The following WBP2 variants were observed in gnomAD, a reference collection of about 807,000 sequenced individuals.
WBP2 encodes WW domain-binding protein 2.
In WBP2, 23 loss-of-function variants were observed where a neutral mutation model predicts 33.0. That is an observed-to-expected ratio of 0.70 (90% CI 0.50 to 0.99). The LOEUF (loss-of-function observed/expected upper bound fraction) is 0.99. Among genes scored for constraint, WBP2 ranks in the 50% least tolerant of loss-of-function variants. The pLI, the probability that WBP2 is intolerant of heterozygous loss-of-function variation, is 0.00. For synonymous variants in WBP2, 153 were observed against 133.5 expected, an observed-to-expected ratio of 1.15 and a Z score of -1.01; for missense variants, 353 against 358.0, an observed-to-expected ratio of 0.99 and a Z score of 0.11.
At chr17:75,848,781 C>T (rs1055047334) in intron 3 of WBP2, 119 bp from the exon 4 acceptor site, 1 of 873,042 alleles carries the variant, frequency 1.1e-6, no homozygotes, top group African/African-American at 1.7e-5. Context: ...GGGGCTGGGC[C>T]TGCACTGTGA....
rs2064993396 is a variant in WBP2, at chr17:75,846,621, A to G, written c.*113T>C. The G allele has an allele frequency of 3.9e-6, 5 of 1,275,934 alleles. No individual in the cohort carries two copies. The highest frequency in any genetic ancestry group is 5.5e-6 in the Non-Finnish European group (5 of 901,032). The allele number at this position is 1,275,934 out of a possible 1,614,324, so 79.0% of individuals were successfully genotyped here. ...TGCTAGTTCCTGGTAATTGTTTATG[A>G]TCAGACCTGGAGGGAGAACAAGGCG... On this transcript the variant is annotated 3_prime_UTR_variant, in exon 8 of 8. Coordinates refer to ENST00000254806, the MANE Select transcript of WBP2 (RefSeq NM_012478.4). The surrounding 1 kb of genome is among the most constrained non-coding windows in gnomAD (Gnocchi z 4.8).
chr17:75,848,210 T>C, intron 4 of WBP2: 1 of 587,946 alleles, frequency 1.7e-6, no homozygotes, highest in Non-Finnish European at 3.0e-6. Flanking sequence ...GGGGTAGGAG[T>C]GAGCTGGCGG....
chr17:75,855,305 C>A lies in WBP2; in HGVS notation c.-8G>T, dbSNP rs887829011. 6.2e-7 allele frequency: 1 copy of A among 1,612,136 alleles called. No individual in the cohort carries two copies. Among genetic ancestry groups the A allele is most frequent in the Non-Finnish European group, 8.5e-7 (1 of 1,179,962 alleles). ...ATTCTTGTTGAGCGCCATAGTCTCT[C>A]CAACAGGGGTCCCGAGACTCAAAAC... On this transcript the variant is annotated 5_prime_UTR_variant, in exon 1 of 8. Transcript: ENST00000254806.
chr17:75,851,771 C>A, intron 1 of WBP2, 95 bp from the exon 2 acceptor site: 1 of 888,368 alleles, frequency 1.1e-6, no homozygotes, highest in Admixed American at 1.8e-5. Flanking sequence ...CTGCCCGGCA[C>A]GTCAGCTCTC....
At position 75,849,680 on chromosome 17, in the gene WBP2, G is replaced by C; in HGVS notation, c.228C>G (p.Leu76=). 1 of 1,614,208 alleles carries C rather than the reference G, an allele frequency of 6.2e-7. No homozygotes were observed. The highest frequency in any genetic ancestry group is 8.5e-7 in the Non-Finnish European group (1 of 1,180,030). The change falls in exon 3 of 8, where the codon CTC becomes CTG. Residue 76 remains leucine, a synonymous_variant. Transcript: ENST00000254806. ...AMQSFMMPFY[L]MKDCEIKQPV... ...GCTGCTTGATCTCACAGTCTTTCAT[G>C]AGATAAAATGGCATCATGAAGGACT... is the stretch of plus-strand genomic sequence containing the variant.
At chr17:75,848,472 T>C in intron 4 of WBP2, 98 bp downstream of exon 4, 4 of 1,171,042 alleles carry the variant, frequency 3.4e-6, no homozygotes, top group South Asian at 2.6e-5. Context: ...ACTTACCTCT[T>C]GAGTTCTTGA....
upstream of WBP2, chr17:75,855,593 A>T: frequency 2.3e-6 from 1 of 434,412 alleles, no homozygotes; most frequent in Non-Finnish European, 4.3e-6. Flanking sequence ...CCTGGATCAT[A>T]GGCCTGAATT....
rs940211614 is a variant in WBP2 at position 75,846,472 on chromosome 17, C to T, written c.*262G>A. ...GAGAGTGAAACAGGAACAGGGGATG[C>T]TCCGTGCTCCCAGAAGAGCCCCAGA... On this transcript the variant is annotated 3_prime_UTR_variant, in exon 8 of 8. Transcript: ENST00000254806. This position sits in a 1 kb window ranked among gnomAD's most constrained non-coding sequence, Gnocchi z 4.8. 1.8e-6 allele frequency: 1 copy of T among 542,214 alleles called. No homozygotes were observed. The highest frequency in any genetic ancestry group is 3.3e-6 in the Non-Finnish European group (1 of 304,240). The allele number at this position is 542,214 out of a possible 1,614,324, so 33.6% of individuals were successfully genotyped here.
intron 1 of WBP2, chr17:75,851,889 G>A: frequency 2.7e-6 from 1 of 364,740 alleles, no homozygotes; most frequent in Non-Finnish European, 5.4e-6. Context: ...ATGACCCCTG[G>A]TCAGGAGTTT....
chr17:75,846,202 G>C lies in WBP2; in HGVS notation c.*532C>G, dbSNP rs528896853. 3 of 160,868 alleles carry C rather than the reference G, an allele frequency of 1.9e-5. No homozygotes were observed. In the South Asian group the frequency reaches 4.3e-4, roughly 23 times the overall value. The allele number at this position is 160,868 out of a possible 1,614,324, so 10.0% of individuals were successfully genotyped here. A position where few individuals can be genotyped will look rare whatever the true frequency, so the allele number is the denominator to read the frequency against. On this transcript the variant is annotated 3_prime_UTR_variant, in exon 8 of 8. Coordinates refer to ENST00000254806, the MANE Select transcript of WBP2 (RefSeq NM_012478.4). The surrounding 1 kb of genome is among the most constrained non-coding windows in gnomAD (Gnocchi z 4.8). ...GGTGGCAACAACATGACCCAGGACA[G>C]GGAAGGGAAGGAAGGGTGGCGGGGG...
At chr17:75,854,213 A>T (rs2065044407) in intron 1 of WBP2, among the ~76,000 whole-genome samples, 1 of 152,100 alleles carries the variant, frequency 6.6e-6, no homozygotes, top group Non-Finnish European at 1.5e-5. Context: ...AAACATTCCC[A>T]AGTCACAGGG....
Position 75,847,911 on chromosome 17 carries a change from G to A in WBP2, c.417C>T (p.Pro139=). 6.4e-7 allele frequency: 1 copy of A among 1,563,392 alleles called. No homozygotes were observed. The highest frequency in any genetic ancestry group is 8.7e-7 in the Non-Finnish European group (1 of 1,153,946). The stretch of plus-strand genomic sequence containing the variant: ...TGTAAGAGTAGCCATAGGCTCCACT[G>A]GGGACTTCACCTCTGGAGGCTACGA... ...VASQASRGEV[P]SGAYGYSYMP... is the part of the protein sequence containing the mutation. The change falls in exon 5 of 8, where the codon CCC becomes CCT. Residue 139 remains proline (P), a synonymous_variant. Transcript: ENST00000254806.
intron 6 of WBP2, 176 bp downstream of exon 6, chr17:75,847,311 G>T: frequency 1.9e-6 from 2 of 1,076,898 alleles, no homozygotes; most frequent in Non-Finnish European, 2.7e-6. Context: ...ATGGGGGTGG[G>T]GCCAGAATCT....
intron 6 of WBP2, 83 bp from the exon 7 acceptor site, chr17:75,847,067 C>A: frequency 1.3e-6 from 2 of 1,510,608 alleles, no homozygotes; most frequent in African/African-American, 1.4e-5. Context: ...CCCCATGGCT[C>A]GGGGCAGCTG....
Position 75,849,666 on chromosome 17 carries a change from TCA to T in WBP2, c.240_241del (p.Cys80Ter). ...TGCACCAAATACGGGCTGCTTGATCTCACAGTCTTTCATGAGATAAAATGGCA... is the reference window on the plus strand; with the variant it reads ...TGCACCAAATACGGGCTGCTTGATCTCAGTCTTTCATGAGATAAAATGGCA... On this transcript the variant is annotated stop_gained and frameshift_variant, in exon 3 of 8. Coordinates refer to ENST00000254806, the MANE Select transcript of WBP2 (RefSeq NM_012478.4). LOFTEE classifies it high-confidence loss of function. 3 of 1,614,192 alleles carry T rather than the reference TCA, an allele frequency of 1.9e-6. No individual in the cohort carries two copies. The highest frequency in any genetic ancestry group is 2.5e-6 in the Non-Finnish European group (3 of 1,180,028).
At chr17:75,850,435 T>C (rs2004452) in intron 2 of WBP2, among the ~76,000 whole-genome samples, 44,434 of 151,816 alleles carry the variant, frequency 0.29, 8,157 homozygotes, top group African/African-American at 0.52. Flanking sequence ...TTAGGAGAGA[T>C]GGGGTTTCAC....
chr17:75,855,300 T>C lies in WBP2; in HGVS notation c.-3A>G. ...GAGTGATTCTTGTTGAGCGCCATAG[T>C]CTCTCCAACAGGGGTCCCGAGACTC... On this transcript the variant is annotated 5_prime_UTR_variant, in exon 1 of 8. Coordinates refer to ENST00000254806, the MANE Select transcript of WBP2 (RefSeq NM_012478.4). 1 of 1,611,716 alleles carries C rather than the reference T, an allele frequency of 6.2e-7. No homozygotes were observed. The highest frequency in any genetic ancestry group is 1.1e-5 in the South Asian group (1 of 90,992).
At chr17:75,852,341 C>T (rs1021855076) in intron 1 of WBP2, 1 of 152,300 alleles carries the variant, frequency 6.6e-6, no homozygotes, top group Non-Finnish European at 1.5e-5. Flanking sequence ...ATTTCCCAAA[C>T]CCCGCTTATA....
In WBP2 at chr17:75,847,456, C is replaced by T. The variant is rs372176562; in HGVS notation, c.655+31G>A. The T allele has an allele frequency of 1.2e-5, 19 of 1,577,860 alleles. 1 individual carries two copies. Among genetic ancestry groups the T allele is most frequent in the African/African-American group, 9.5e-5 (7 of 74,060 alleles). ...ACATCGGGGAGGAGAGGGCTGGTCC[C>T]GAAGGGCTGCCAGCACCCAAGGGCC... On this transcript the variant is annotated intron_variant, in intron 6 of 7. Transcript: ENST00000254806.
Sources: gnomAD v4.1 joint callset for allele counts (sites outside exome capture counted in the v4.1 genomes callset) on GRCh38, gnomAD v4.1.1 for gene constraint, Gnocchi (gnomAD v3.1) non-coding constraint, MANE v1.5 for transcripts, NCBI Gene and HGNC (gene_info 2026-07-23, HGNC 2026-07-21) for gene names.